Variants in MACROD2 observed in about 807,000 individuals in gnomAD.
MACROD2 encodes mono-ADP ribosylhydrolase 2.
Under a neutral mutation model 70.4 loss-of-function variants are expected in MACROD2, and 36 were observed. The observed-to-expected ratio is 0.51, with a 90% confidence interval of 0.39 to 0.68. The LOEUF (loss-of-function observed/expected upper bound fraction) is 0.68. Ranked by LOEUF, MACROD2 falls within the 30% of genes least tolerant of loss-of-function variation. The pLI, the probability that MACROD2 is intolerant of heterozygous loss-of-function variation, is 0.00. For missense variants in MACROD2, 496 were observed against 538.4 expected (o/e 0.92, Z 0.78); for synonymous variants, 172 against 178.8 (o/e 0.96, Z 0.30).
intron 6 of MACROD2, among the ~76,000 whole-genome samples, chr20:15,377,141 C>T (rs545138701): frequency 8.5e-5 from 13 of 152,264 alleles, no homozygotes; most frequent in African/African-American, 3.1e-4. Flanking sequence ...CCGCCCGCTT[C>T]GGCCTCCCAA....
chr20:14,251,498 T>C (rs1481613549), intron 3 of MACROD2, among the ~76,000 whole-genome samples: 4 of 152,094 alleles, frequency 2.6e-5, no homozygotes, highest in Non-Finnish European at 5.9e-5. Flanking sequence ...AAATAAGACA[T>C]GATTATATTA....
chr20:14,389,207 T>C (rs539923010), intron 3 of MACROD2, among the ~76,000 whole-genome samples: 1 of 151,836 alleles, frequency 6.6e-6, no homozygotes, highest in East Asian at 2.0e-4. Context: ...ATTATTATTT[T>C]TTTAAAGAGA....
chr20:15,962,195 C>A (rs139909190), intron 12 of MACROD2, among the ~76,000 whole-genome samples: 490 of 152,278 alleles, frequency 3.2e-3, no homozygotes, highest in Non-Finnish European at 5.2e-3. Context: ...CAGTTAAAAT[C>A]TCAGTGAGAA....
intron 8 of MACROD2, among the ~76,000 whole-genome samples, chr20:15,775,821 T>C (rs1229668191): frequency 6.6e-6 from 1 of 152,136 alleles, no homozygotes; most frequent in African/African-American, 2.4e-5. Flanking sequence ...GGAAGTTTCT[T>C]TGGAATGCCA....
chr20:15,779,204 A>G lies in MACROD2; in HGVS notation c.646-83541A>G, dbSNP rs143885266. On this transcript the variant is annotated intron_variant, in intron 8 of 17. Coordinates refer to ENST00000684519, the MANE Select transcript of MACROD2 (RefSeq NM_001351661.2). ...CTCTCTTATTGTTGAAATTCTCCCT[A>G]GAGTTGTTTGCATACACCTTGATAT... Among the ~76,000 whole-genome samples, 45 of 152,208 alleles carry G rather than the reference A, an allele frequency of 3.0e-4. No individual in the cohort carries two copies. In the East Asian group the frequency reaches 4.1e-3, roughly 14 times the overall value.
rs550733560 is a variant in MACROD2 at position 14,228,374 on chromosome 20, G to T, written c.271+142646G>T. Among the ~76,000 whole-genome samples the T allele has an allele frequency of 1.7e-3, 239 of 142,940 alleles. 4 individuals carry two copies. Among genetic ancestry groups the T allele is most frequent in the Non-Finnish European group, 7.0e-4 (47 of 67,044 alleles). The allele number at this position is 142,940 out of a possible 152,430, so 93.8% of individuals were successfully genotyped here. On this transcript the variant is annotated intron_variant, in intron 3 of 17. Coordinates refer to ENST00000684519, the MANE Select transcript of MACROD2 (RefSeq NM_001351661.2). ...TTTTTTTGAGATGGAGTCTCTCTCT[G>T]TCACCCAGGCTGGAGTGCAGTGGCG... is the stretch of plus-strand genomic sequence containing the variant.
At chr20:15,514,222 T>A (rs1462523604) in intron 8 of MACROD2, among the ~76,000 whole-genome samples, 1 of 152,184 alleles carries the variant, frequency 6.6e-6, no homozygotes, top group Non-Finnish European at 1.5e-5. Context: ...ACATGTACAG[T>A]GTGTATAAAG....
intron 8 of MACROD2, among the ~76,000 whole-genome samples, chr20:15,785,018 G>A (rs985076288): frequency 6.6e-6 from 1 of 151,904 alleles, no homozygotes; most frequent in Admixed American, 6.6e-5. Context: ...CGGGCATGGT[G>A]GCGGGCGCCT....
chr20:14,249,624 A>G (rs977611565), intron 3 of MACROD2, among the ~76,000 whole-genome samples: 6 of 152,160 alleles, frequency 3.9e-5, no homozygotes, highest in African/African-American at 1.4e-4. Flanking sequence ...AAGTTCTCTC[A>G]TGAGATCTGC....
intron 5 of MACROD2, among the ~76,000 whole-genome samples, chr20:14,724,461 C>T (rs1056983070): frequency 1.3e-4 from 20 of 152,104 alleles, no homozygotes; most frequent in Admixed American, 9.2e-4. Flanking sequence ...CTATTTTTGA[C>T]TTCTACTGAA....
chr20:15,324,045 T>C (rs1208274060), intron 6 of MACROD2, among the ~76,000 whole-genome samples: 1 of 152,166 alleles, frequency 6.6e-6, no homozygotes, highest in African/African-American at 2.4e-5. Flanking sequence ...ACAAGATCTC[T>C]ACAATGAATT....
intron 4 of MACROD2, among the ~76,000 whole-genome samples, chr20:14,642,854 C>T (rs766322970): frequency 1.3e-5 from 2 of 151,598 alleles, no homozygotes; most frequent in Non-Finnish European, 2.9e-5. Flanking sequence ...AAAATTGTGA[C>T]ACAGAGACAC....
chr20:15,027,645 C>T (rs964289628), intron 5 of MACROD2, among the ~76,000 whole-genome samples: 2 of 149,948 alleles, frequency 1.3e-5, no homozygotes, highest in Non-Finnish European at 3.0e-5. Context: ...GAGGCCAAGC[C>T]GGGAGGATTG....
chr20:15,269,976 A>G (rs537210431), intron 6 of MACROD2, among the ~76,000 whole-genome samples: 1 of 152,152 alleles, frequency 6.6e-6, no homozygotes, highest in African/African-American at 2.4e-5. Flanking sequence ...TTATGACAAG[A>G]CTCTAGAAGA....
intron 3 of MACROD2, among the ~76,000 whole-genome samples, chr20:14,228,481 G>T (rs1436352787): frequency 6.6e-6 from 1 of 151,946 alleles, no homozygotes; most frequent in Non-Finnish European, 1.5e-5. Flanking sequence ...GGGACTACGG[G>T]CATGTGCCAC....
rs762960868 is a variant in MACROD2 at position 15,967,682 on chromosome 20, A to G, written c.985+52A>G. The G allele has an allele frequency of 1.3e-4, 42 of 321,610 alleles. No individual in the cohort carries two copies. The African/African-American group carries it at 1.8e-3, about 14-fold the overall frequency. 19.9% of individuals were successfully genotyped at this position (321,610 alleles called of 1,614,324 possible). On this transcript the variant is annotated intron_variant, in intron 13 of 17. Coordinates refer to ENST00000684519, the MANE Select transcript of MACROD2 (RefSeq NM_001351661.2). ...TTTCTTTTCTTCTGCTGGGAAACAGAAAAAAAAAAAAAAAAAAAACCCACA... is the reference window on the plus strand; with the variant it reads ...TTTCTTTTCTTCTGCTGGGAAACAGGAAAAAAAAAAAAAAAAAAACCCACA...
chr20:14,636,076 T>A (rs958685449), intron 4 of MACROD2, among the ~76,000 whole-genome samples: 1 of 152,178 alleles, frequency 6.6e-6, no homozygotes, highest in African/African-American at 2.4e-5. Context: ...GGTTTATTTA[T>A]CTTCATGTTT....
At chr20:14,569,805 G>T (rs1980064083) in intron 4 of MACROD2, among the ~76,000 whole-genome samples, 1 of 151,794 alleles carries the variant, frequency 6.6e-6, no homozygotes, top group Non-Finnish European at 1.5e-5. Flanking sequence ...AAAGAATTTG[G>T]ATCCTAAGGG....
At chr20:15,754,723 C>G (rs1268600538) in intron 8 of MACROD2, among the ~76,000 whole-genome samples, 3 of 149,466 alleles carry the variant, frequency 2.0e-5, no homozygotes, top group Admixed American at 2.0e-4. Flanking sequence ...AAACAGAACC[C>G]ATCTCAGTGG....
Sources: allele counts gnomAD v4.1 joint callset (sites outside exome capture counted in the v4.1 genomes callset), GRCh38; gene constraint gnomAD v4.1.1; transcripts MANE v1.5; gene names NCBI Gene and HGNC (gene_info 2026-07-23, HGNC 2026-07-21).